Variants in GOPC observed in about 807,000 individuals in gnomAD.
The protein encoded by GOPC is golgi associated PDZ and coiled-coil motif containing.
In GOPC, 32 loss-of-function variants were observed where a neutral mutation model predicts 51.2. That is an observed-to-expected ratio of 0.63 (90% CI 0.47 to 0.84). GOPC has a LOEUF of 0.84. GOPC is among the 40% of genes least tolerant of loss of function. The probability of loss-of-function intolerance (pLI) is 0.00; values close to 1 mark genes in which losing one functional copy is unlikely to be tolerated. For synonymous variants in GOPC, 190 were observed against 205.1 expected, an observed-to-expected ratio of 0.93 and a Z score of 0.63; for missense variants, 441 against 555.5, an observed-to-expected ratio of 0.79 and a Z score of 2.07.
intron 2 of GOPC, 24 bp from the exon 3 acceptor site, chr6:117,577,495 T>A (rs1490788400): frequency 6.4e-7 from 1 of 1,570,418 alleles, no homozygotes; most frequent in Non-Finnish European, 8.7e-7. Flanking sequence ...AAAAAAGTTT[T>A]ATAATTAGAA....
chr6:117,601,626 T>C (rs1408118668), intron 1 of GOPC, among the ~76,000 whole-genome samples: 1 of 152,352 alleles, frequency 6.6e-6, no homozygotes, highest in South Asian at 2.1e-4. Context: ...TCTTAACATA[T>C]ACAAATTCGG....
In GOPC at chr6:117,578,959, G is replaced by A. The variant is rs1456789811; in HGVS notation, c.391C>T (p.Leu131=). The A allele has an allele frequency of 6.2e-7, 1 of 1,611,760 alleles. No homozygotes were observed. The highest frequency in any genetic ancestry group is 8.5e-7 in the Non-Finnish European group (1 of 1,179,088). Residue 131 remains leucine (L), a synonymous_variant, in exon 2 of 9, where the codon CTG becomes TTG. Transcript: ENST00000368498. ...DQLLQLHSIQ[L]QLHAKTGQSA... ...TGACCAGTTTTAGCATGAAGCTGCA[G>A]CTGAATAGAGTGCAGCTGTAAAAGC...
At chr6:117,569,038 C>A in intron 7 of GOPC, among the ~76,000 whole-genome samples, 1 of 152,174 alleles carries the variant, frequency 6.6e-6, no homozygotes, top group East Asian at 1.9e-4. Flanking sequence ...GTATGAATCT[C>A]AATTCTATAA....
At chr6:117,588,230 G>A (rs908481366) in intron 1 of GOPC, among the ~76,000 whole-genome samples, 7 of 151,764 alleles carry the variant, frequency 4.6e-5, no homozygotes, top group Non-Finnish European at 8.8e-5. Context: ...AATGCCTCAC[G>A]GTTCCACAAG....
intron 8 of GOPC, among the ~76,000 whole-genome samples, chr6:117,565,129 A>C (rs1779669616): frequency 6.6e-6 from 1 of 152,208 alleles, no homozygotes; most frequent in East Asian, 1.9e-4. Context: ...AGGTTAATAT[A>C]AATAACATTT....
At chr6:117,574,660 A>G (rs987419438) in intron 4 of GOPC, among the ~76,000 whole-genome samples, 23 of 152,248 alleles carry the variant, frequency 1.5e-4, no homozygotes, top group Non-Finnish European at 4.4e-5. Context: ...TGTGTAAACT[A>G]AACATATTTA....
At chr6:117,589,169 G>A (rs1485471048) in intron 1 of GOPC, among the ~76,000 whole-genome samples, 2 of 152,210 alleles carry the variant, frequency 1.3e-5, no homozygotes, top group East Asian at 3.9e-4. Flanking sequence ...CTGCGGGTTA[G>A]ACAAGCTTGA....
intron 2 of GOPC, among the ~76,000 whole-genome samples, chr6:117,577,951 C>T (rs372419872): frequency 3.3e-5 from 5 of 151,998 alleles, no homozygotes; most frequent in East Asian, 1.9e-4. Context: ...TAACTGAAAA[C>T]AAATAAAACT....
chr6:117,574,939 C>T lies in GOPC; in HGVS notation c.650+238G>A, dbSNP rs142428780. Among the ~76,000 whole-genome samples the T allele has an allele frequency of 4.8e-3, 729 of 152,010 alleles. 10 individuals are homozygous for T. Among genetic ancestry groups the T allele is most frequent in the African/African-American group, 0.017 (704 of 41,452 alleles). On this transcript the variant is annotated intron_variant, in intron 4 of 8. Transcript: ENST00000368498. The stretch of plus-strand genomic sequence containing the variant: ...ACTAAAAATACAAAATTTAGCTGGC[C>T]GTGGTGGCAGGCACCTGTAATCCCA...
intron 1 of GOPC, among the ~76,000 whole-genome samples, chr6:117,594,013 TCCATA>T (rs1230471340): frequency 6.6e-6 from 1 of 152,212 alleles, no homozygotes; most frequent in Non-Finnish European, 1.5e-5. Context: ...TGCAATTTTC[TCCATA>T]CCATAGTCAG....
At chr6:117,591,776 G>T (rs180954268) in intron 1 of GOPC, among the ~76,000 whole-genome samples, 1 of 152,040 alleles carries the variant, frequency 6.6e-6, no homozygotes, top group Non-Finnish European at 1.5e-5. Context: ...ACTGATCACC[G>T]GGCCAAAGAA....
chr6:117,560,739 G>A lies in GOPC; in HGVS notation c.*2515C>T, dbSNP rs1779568671. On this transcript the variant is annotated 3_prime_UTR_variant, in exon 9 of 9. Coordinates refer to ENST00000368498, the MANE Select transcript of GOPC (RefSeq NM_020399.4). ...TAGAAGAGAATTTTAGAGGTTAAGT[G>A]TAAATATATACACGCACACATACAA... 9.8e-6 allele frequency: 2 copies of A among 204,452 alleles called. No homozygotes were observed. Among genetic ancestry groups the A allele is most frequent in the Non-Finnish European group, 1.0e-5 (1 of 99,768 alleles). 12.7% of individuals were successfully genotyped at this position (204,452 alleles called of 1,614,324 possible). A position where few individuals can be genotyped will look rare whatever the true frequency, so the allele number is the denominator to read the frequency against.
chr6:117,580,671 T>C (rs1225178711), intron 1 of GOPC, among the ~76,000 whole-genome samples: 1 of 152,248 alleles, frequency 6.6e-6, no homozygotes, highest in Middle Eastern at 3.4e-3. Context: ...GTAAATAATA[T>C]AGTGGTTTTT....
In GOPC at chr6:117,602,481, G is replaced by A. The variant is rs1318617958; in HGVS notation, c.-193C>T. ...CGAGGCTGAAGCTGAGGCGGCAACG[G>A]CGGCGACACACGGAAGACTCAGTCA... On this transcript the variant is annotated 5_prime_UTR_variant, in exon 1 of 9. Transcript: ENST00000368498. 3.3e-6 allele frequency: 2 copies of A among 604,306 alleles called. No homozygotes were observed. Among genetic ancestry groups the A allele is most frequent in the African/African-American group, 3.7e-5 (2 of 53,852 alleles). The allele number at this position is 604,306 out of a possible 1,614,324, so 37.4% of individuals were successfully genotyped here.
At chr6:117,600,502 T>C (rs1184593455) in intron 1 of GOPC, among the ~76,000 whole-genome samples, 1 of 152,170 alleles carries the variant, frequency 6.6e-6, no homozygotes, top group Non-Finnish European at 1.5e-5. Flanking sequence ...ATCTTTGTTG[T>C]TTAAAGCTAG....
intron 1 of GOPC, among the ~76,000 whole-genome samples, chr6:117,582,213 T>A (rs2114617328): frequency 6.6e-6 from 1 of 151,582 alleles, no homozygotes; most frequent in Admixed American, 6.6e-5. Flanking sequence ...TTTTTCTTGG[T>A]GGTTTGTAAG....
rs776735386 is a variant in GOPC at position 117,579,069 on chromosome 6, TA to T, written c.286-6del. The T allele has an allele frequency of 6.3e-7, 1 of 1,588,536 alleles. No individual in the cohort carries two copies. The highest frequency in any genetic ancestry group is 8.5e-7 in the Non-Finnish European group (1 of 1,171,182). ...TTTCAGATCCACCAACTGTGCCTTATAAAGAAAACAATAGAAGAAATTAAGG... is the reference window on the plus strand; with the variant it reads ...TTTCAGATCCACCAACTGTGCCTTATAAGAAAACAATAGAAGAAATTAAGG... On this transcript the variant is annotated splice_region_variant and splice_polypyrimidine_tract_variant and intron_variant, in intron 1 of 8. Transcript: ENST00000368498.
At chr6:117,567,174 T>G (rs1451077368) in intron 7 of GOPC, 140 bp from the exon 8 acceptor site, 1 of 580,992 alleles carries the variant, frequency 1.7e-6, no homozygotes, top group African/African-American at 1.9e-5. Context: ...AATAAAATTC[T>G]AGAATCTAAA....
intron 7 of GOPC, 105 bp from the exon 8 acceptor site, chr6:117,567,139 G>C: frequency 1.5e-6 from 1 of 677,974 alleles, no homozygotes; most frequent in East Asian, 3.0e-5. Flanking sequence ...AGATCTAAGA[G>C]ATAGCTGATT....
Sources: gnomAD v4.1 joint callset for allele counts (sites outside exome capture counted in the v4.1 genomes callset) on GRCh38, gnomAD v4.1.1 for gene constraint, MANE v1.5 for transcripts, NCBI Gene and HGNC (gene_info 2026-07-23, HGNC 2026-07-21) for gene names.